The following PPFIA2 variants were observed in gnomAD, a reference collection of about 807,000 sequenced individuals.
PPFIA2 encodes the protein liprin-alpha-2.
PPFIA2 carries 46 observed loss-of-function variants against 175.5 expected under a neutral mutation model. That is an observed-to-expected ratio of 0.26 (90% CI 0.21 to 0.34). PPFIA2 has a LOEUF of 0.34. Ranked by LOEUF, PPFIA2 falls within the 10% of genes least tolerant of loss-of-function variation. PPFIA2 has a pLI of 1.00. For synonymous variants in PPFIA2, 568 were observed against 511.4 expected (o/e 1.11, Z -1.49); for missense variants, 1,179 against 1,506.1 (o/e 0.78, Z 3.60).
chr12:81,609,716 A>C (rs1955383), intron 4 of PPFIA2, among the ~76,000 whole-genome samples: 134,973 of 152,160 alleles, frequency 0.89, 59,991 homozygotes, highest in East Asian at 1. Context: ...TGAATCTTGT[A>C]TTTTACACAG....
intron 4 of PPFIA2, among the ~76,000 whole-genome samples, chr12:81,645,470 G>GA (rs971321440): frequency 7.9e-5 from 12 of 151,750 alleles, no homozygotes; most frequent in Non-Finnish European, 1.3e-4. Flanking sequence ...CACCAATACT[G>GA]AAAAAAAATA....
intron 22 of PPFIA2, among the ~76,000 whole-genome samples, chr12:81,321,619 CT>C (rs552975849): frequency 3.3e-5 from 5 of 151,318 alleles, no homozygotes; most frequent in South Asian, 4.2e-4. Flanking sequence ...TCCAGTTATG[CT>C]TTTTTTTTCC....
intron 4 of PPFIA2, among the ~76,000 whole-genome samples, chr12:81,642,728 C>CGTGTACGTGT (rs1296169351): frequency 8.8e-5 from 1 of 11,322 alleles, no homozygotes; most frequent in African/African-American, 2.1e-4. Context: ...TATATACATA[C>CGTGTACGTGT]ATGTATATGT....
At chr12:81,478,491 A>T (rs1449396683) in intron 4 of PPFIA2, among the ~76,000 whole-genome samples, 1 of 151,812 alleles carries the variant, frequency 6.6e-6, no homozygotes, top group Admixed American at 6.6e-5. Context: ...GGTTCTTTTA[A>T]TTGTGATTTT....
chr12:81,329,291 T>A lies in PPFIA2; in HGVS notation c.2549-3421A>T, dbSNP rs376417637. Among the ~76,000 whole-genome samples, 15 of 152,264 alleles carry A rather than the reference T, an allele frequency of 9.9e-5. No individual in the cohort carries two copies. The East Asian group carries it at 1.4e-3, about 14-fold the overall frequency. On this transcript the variant is annotated intron_variant, in intron 21 of 32. Coordinates refer to ENST00000549396, the MANE Select transcript of PPFIA2 (RefSeq NM_003625.5). ...GAGTCCCATGATTCAGCAGACTACT[T>A]ACATAATAAATTGTTTATCACCTTG...
chr12:81,333,786 C>A (rs778624477), intron 21 of PPFIA2, among the ~76,000 whole-genome samples: 9 of 152,138 alleles, frequency 5.9e-5, no homozygotes, highest in Non-Finnish European at 1.2e-4. Flanking sequence ...AGTAATCCAT[C>A]AATCAGATAC....
chr12:81,740,690 C>T (rs927479650), intron 3 of PPFIA2, among the ~76,000 whole-genome samples: 1 of 152,080 alleles, frequency 6.6e-6, no homozygotes, highest in Non-Finnish European at 1.5e-5. Flanking sequence ...GAATCATAAA[C>T]ATGCTAATAT....
intron 3 of PPFIA2, among the ~76,000 whole-genome samples, chr12:81,731,193 T>C (rs1263647317): frequency 6.6e-6 from 1 of 151,664 alleles, no homozygotes; most frequent in Non-Finnish European, 1.5e-5. Flanking sequence ...CTGTTCAAAA[T>C]GCTTTGTTCT....
chr12:81,534,628 A>G (rs2065121335), intron 4 of PPFIA2, among the ~76,000 whole-genome samples: 1 of 151,686 alleles, frequency 6.6e-6, no homozygotes, highest in Non-Finnish European at 1.5e-5. Context: ...TTAACTCAAA[A>G]ATTCATAGCA....
chr12:81,578,479 CTG>C (rs774800196), intron 4 of PPFIA2, among the ~76,000 whole-genome samples: 2 of 151,712 alleles, frequency 1.3e-5, no homozygotes, highest in Non-Finnish European at 2.9e-5. Context: ...TAGAAAGAAA[CTG>C]TAAGTTATAG....
intron 4 of PPFIA2, among the ~76,000 whole-genome samples, chr12:81,605,540 T>C (rs117523358): frequency 0.019 from 2,868 of 151,920 alleles, 47 homozygotes; most frequent in South Asian, 0.061. Context: ...TGGAATGAAA[T>C]TTGCAGCCCA....
At chr12:81,736,500 C>G (rs1257433202) in intron 3 of PPFIA2, among the ~76,000 whole-genome samples, 1 of 151,862 alleles carries the variant, frequency 6.6e-6, no homozygotes, top group African/African-American at 2.4e-5. Flanking sequence ...TTAATAAAGG[C>G]AGTAGCACAG....
intron 4 of PPFIA2, among the ~76,000 whole-genome samples, chr12:81,507,738 C>T (rs995939201): frequency 6.6e-6 from 1 of 152,172 alleles, no homozygotes. Flanking sequence ...GCTAGGCATA[C>T]TGCTAGAGGA....
At chr12:81,450,781 T>G (rs1003453415) in intron 5 of PPFIA2, among the ~76,000 whole-genome samples, 2 of 152,176 alleles carry the variant, frequency 1.3e-5, no homozygotes, top group South Asian at 2.1e-4. Flanking sequence ...GTCTAACATT[T>G]AAGTCTTTAA....
chr12:81,700,445 T>C (rs1022466343), intron 3 of PPFIA2, among the ~76,000 whole-genome samples: 2 of 152,110 alleles, frequency 1.3e-5, no homozygotes, highest in East Asian at 1.9e-4. Flanking sequence ...ATAAAATCTG[T>C]CATAACATGC....
chr12:81,754,330 T>C, intron 2 of PPFIA2, 107 bp from the exon 3 acceptor site: 1 of 1,366,978 alleles, frequency 7.3e-7, no homozygotes, highest in Non-Finnish European at 9.9e-7. Flanking sequence ...CCTATTTGTC[T>C]CTATTTCCCC....
intron 4 of PPFIA2, among the ~76,000 whole-genome samples, chr12:81,664,343 GA>G (rs1453759815): frequency 6.6e-6 from 1 of 151,544 alleles, no homozygotes; most frequent in African/African-American, 2.4e-5. Context: ...AAATTTACAA[GA>G]AAAAAACAAA....
chr12:81,639,094 A>G (rs900039910), intron 4 of PPFIA2, among the ~76,000 whole-genome samples: 2 of 152,262 alleles, frequency 1.3e-5, no homozygotes, highest in South Asian at 4.1e-4. Context: ...TGAAGGAAGT[A>G]CTTGTTATTA....
chr12:81,367,264 T>C (rs2033766594), intron 13 of PPFIA2, 94 bp from the exon 14 acceptor site: 1 of 847,924 alleles, frequency 1.2e-6, no homozygotes, highest in African/African-American at 1.8e-5. Context: ...AGAATCCTCT[T>C]AGATTCCTTC....
Sources: allele counts gnomAD v4.1 joint callset (sites outside exome capture counted in the v4.1 genomes callset), GRCh38; gene constraint gnomAD v4.1.1; transcripts MANE v1.5; gene names NCBI Gene and HGNC (gene_info 2026-07-23, HGNC 2026-07-21).